The following GPC5 variants were observed in gnomAD, a reference collection of about 807,000 sequenced individuals.
The protein encoded by GPC5 is glypican 5.
Under a neutral mutation model 53.9 loss-of-function variants are expected in GPC5, and 47 were observed. The observed-to-expected ratio is 0.87, with a 90% CI of 0.69 to 1.11. The LOEUF is 1.11. Among genes scored for constraint, GPC5 ranks in the 50% most tolerant of loss-of-function variants. The pLI, the probability that GPC5 is intolerant of heterozygous loss-of-function variation, is 0.00. For synonymous variants in GPC5, 286 were observed against 263.3 expected (o/e 1.09, Z -0.84); for missense variants, 748 against 713.1 (o/e 1.05, Z -0.56).
intron 2 of GPC5, among the ~76,000 whole-genome samples, chr13:91,502,906 C>CAT (rs1410424082): frequency 1.3e-5 from 2 of 152,154 alleles, no homozygotes; most frequent in African/African-American, 4.8e-5. Flanking sequence ...CTCCAAGGCT[C>CAT]ATATACTTAT....
At chr13:92,032,991 T>G (rs1365588607) in intron 6 of GPC5, among the ~76,000 whole-genome samples, 1 of 151,548 alleles carries the variant, frequency 6.6e-6, no homozygotes, top group Non-Finnish European at 1.5e-5. Flanking sequence ...TACTACCTCC[T>G]CAGGGAAGCA....
chr13:92,387,139 G>A (rs1874764779), intron 7 of GPC5, among the ~76,000 whole-genome samples: 1 of 152,026 alleles, frequency 6.6e-6, no homozygotes, highest in Non-Finnish European at 1.5e-5. Flanking sequence ...TTATGATGGT[G>A]TGAAAGCAAA....
intron 2 of GPC5, among the ~76,000 whole-genome samples, chr13:91,516,352 C>T (rs1000273682): frequency 2.0e-5 from 3 of 152,072 alleles, no homozygotes; most frequent in Admixed American, 6.6e-5. Flanking sequence ...GGAGAAATTG[C>T]CAAAACAAAG....
intron 7 of GPC5, among the ~76,000 whole-genome samples, chr13:92,196,468 A>T (rs1383066202): frequency 2.0e-5 from 3 of 152,112 alleles, no homozygotes; most frequent in Non-Finnish European, 4.4e-5. Flanking sequence ...TTAGCTTTTT[A>T]TTGTTCTATA....
At chr13:92,321,555 A>T (rs2043215587) in intron 7 of GPC5, among the ~76,000 whole-genome samples, 1 of 152,156 alleles carries the variant, frequency 6.6e-6, no homozygotes, top group Non-Finnish European at 1.5e-5. Context: ...GGGAGCTGAG[A>T]TCACACCACT....
chr13:91,658,750 A>G (rs566808159), intron 2 of GPC5, among the ~76,000 whole-genome samples: 4 of 152,090 alleles, frequency 2.6e-5, no homozygotes, highest in African/African-American at 9.7e-5. Context: ...ACTTTCCTCC[A>G]TCATCCCTCA....
chr13:91,603,031 T>C (rs2033229819), intron 2 of GPC5, among the ~76,000 whole-genome samples: 1 of 152,214 alleles, frequency 6.6e-6, no homozygotes, highest in Non-Finnish European at 1.5e-5. Context: ...CATGTGAGTT[T>C]AGAAACATTT....
chr13:91,723,414 T>G (rs1489652609), intron 3 of GPC5, among the ~76,000 whole-genome samples: 1 of 152,004 alleles, frequency 6.6e-6, no homozygotes, highest in Admixed American at 6.6e-5. Flanking sequence ...ATCTATTATT[T>G]AGAGCTGTCT....
intron 7 of GPC5, among the ~76,000 whole-genome samples, chr13:92,715,913 A>G (rs755071920): frequency 1.3e-5 from 2 of 152,188 alleles, no homozygotes; most frequent in Non-Finnish European, 2.9e-5. Flanking sequence ...GAATTAATCT[A>G]GTTTTTGAAG....
At chr13:92,313,229 G>A (rs1456664206) in intron 7 of GPC5, among the ~76,000 whole-genome samples, 1 of 152,152 alleles carries the variant, frequency 6.6e-6, no homozygotes, top group Non-Finnish European at 1.5e-5. Flanking sequence ...ATATACATGA[G>A]CACTTTTCTA....
chr13:92,507,276 G>T (rs1332920273), intron 7 of GPC5, among the ~76,000 whole-genome samples: 3 of 152,106 alleles, frequency 2.0e-5, no homozygotes, highest in Non-Finnish European at 2.9e-5. Flanking sequence ...AGCATCACAA[G>T]GAATTTTTTC....
chr13:91,970,487 T>C (rs77228636), intron 6 of GPC5, among the ~76,000 whole-genome samples: 3,435 of 151,888 alleles, frequency 0.023, 125 homozygotes, highest in African/African-American at 0.079. Context: ...ATTATAGATA[T>C]GTCAGTTAGT....
rs113810487 is a variant in GPC5 at position 92,677,627 on chromosome 13, A to G, written c.1562-188655A>G. 7.0e-3 allele frequency among the ~76,000 whole-genome samples: 1,072 copies of G among 152,296 alleles called. 10 individuals carry two copies. The highest frequency in any genetic ancestry group is 0.023 in the African/African-American group (937 of 41,568). On this transcript the variant is annotated intron_variant, in intron 7 of 7. Transcript: ENST00000377067. Reference sequence around the variant, plus strand: ...TGAAGCTCCATATTAAAAGCAGGAGAAGGATAGAGAGGCATCCCACATGAA... The same window carrying G: ...TGAAGCTCCATATTAAAAGCAGGAGGAGGATAGAGAGGCATCCCACATGAA...
At chr13:91,814,386 G>C (rs2038366276) in intron 5 of GPC5, among the ~76,000 whole-genome samples, 1 of 152,024 alleles carries the variant, frequency 6.6e-6, no homozygotes, top group African/African-American at 2.4e-5. Context: ...TGCAGGTTTT[G>C]TATATCCAGT....
chr13:92,024,799 T>A (rs888974771), intron 6 of GPC5, among the ~76,000 whole-genome samples: 1 of 152,182 alleles, frequency 6.6e-6, no homozygotes, highest in African/African-American at 2.4e-5. Flanking sequence ...ACATAAATCA[T>A]ACATGTATTG....
chr13:92,823,532 T>C (rs1877743802), intron 7 of GPC5, among the ~76,000 whole-genome samples: 1 of 152,166 alleles, frequency 6.6e-6, no homozygotes, highest in Non-Finnish European at 1.5e-5. Context: ...ATGTTCATTA[T>C]ATCTGTTTAG....
intron 7 of GPC5, among the ~76,000 whole-genome samples, chr13:92,224,049 A>G (rs1191605434): frequency 1.3e-5 from 2 of 152,168 alleles, no homozygotes; most frequent in African/African-American, 2.4e-5. Context: ...TAACAACACT[A>G]TAAAAACTGT....
At chr13:92,542,629 T>G (rs530993213) in intron 7 of GPC5, among the ~76,000 whole-genome samples, 6 of 152,150 alleles carry the variant, frequency 3.9e-5, no homozygotes, top group African/African-American at 1.4e-4. Context: ...GTCTTTTCCC[T>G]TCCAGATGTA....
intron 7 of GPC5, among the ~76,000 whole-genome samples, chr13:92,245,094 C>G (rs1228100193): frequency 6.6e-6 from 1 of 151,764 alleles, no homozygotes; most frequent in Non-Finnish European, 1.5e-5. Flanking sequence ...CTCAGGCACT[C>G]TCCCAGGCTG....
Sources: allele counts gnomAD v4.1 joint callset (sites outside exome capture counted in the v4.1 genomes callset), GRCh38; gene constraint gnomAD v4.1.1; transcripts MANE v1.5; gene names NCBI Gene and HGNC (gene_info 2026-07-23, HGNC 2026-07-21).